PRKDC: variants seen among roughly 807,000 people sequenced by gnomAD.
PRKDC encodes protein kinase, DNA-activated, catalytic subunit, also known as DNA-dependent protein kinase catalytic subunit.
Under a neutral mutation model 486.9 loss-of-function variants are expected in PRKDC, and 82 were observed. That is an observed-to-expected ratio of 0.17 (90% CI 0.14 to 0.20). PRKDC has a LOEUF of 0.20. Ranked by LOEUF, PRKDC falls within the 10% of genes least tolerant of loss-of-function variation. The pLI is 1.00. For synonymous variants in PRKDC, 1,895 were observed against 1,837.0 expected (o/e 1.03, Z -0.81); for missense variants, 4,504 against 5,038.2 (o/e 0.89, Z 3.21).
At position 47,905,001 on chromosome 8, in the gene PRKDC, T is replaced by A; in HGVS notation, c.2935-25A>T. ...CCTGAAGAAACAATACCATTAAAGT[T>A]AATTCCCTTCATGTTAAAGAAATGT... On this transcript the variant is annotated intron_variant, in intron 25 of 85. Coordinates refer to ENST00000314191, the MANE Select transcript of PRKDC (RefSeq NM_006904.7). The A allele has an allele frequency of 2.7e-6, 4 of 1,504,550 alleles. No individual in the cohort carries two copies. The South Asian group carries it at 3.4e-5, about 13-fold the overall frequency. The allele number at this position is 1,504,550 out of a possible 1,614,324, so 93.2% of individuals were successfully genotyped here. A position where few individuals can be genotyped will look rare whatever the true frequency, so the allele number is the denominator to read the frequency against.
At chr8:47,938,734 G>A (rs1315224172) in intron 11 of PRKDC, among the ~76,000 whole-genome samples, 2 of 152,000 alleles carry the variant, frequency 1.3e-5, no homozygotes, top group African/African-American at 2.4e-5. Flanking sequence ...GCTAATTTTT[G>A]TATTTTTAGT....
chr8:47,933,603 T>A (rs1231201), intron 15 of PRKDC, among the ~76,000 whole-genome samples: 63,778 of 152,174 alleles, frequency 0.42, 16,659 homozygotes, highest in East Asian at 0.68. Context: ...TATGCACACA[T>A]ATATAAACGT....
Position 47,837,242 on chromosome 8 carries a change from G to A in PRKDC, c.7731C>T (p.Phe2577=), listed in dbSNP as rs754766347. The part of the protein sequence containing the change: ...SMSPDYPNPM[F]EHPLSECEFQ... The stretch of plus-strand genomic sequence containing the variant: ...ATTCGCATTCTGACAGAGGATGCTC[G>A]AACATGGGGTTTGGATAATCTGGGC... Residue 2577 remains phenylalanine (F), a synonymous_variant, in exon 57 of 86, where the codon TTC becomes TTT. Coordinates refer to ENST00000314191, the MANE Select transcript of PRKDC (RefSeq NM_006904.7). The A allele has an allele frequency of 1.7e-5, 27 of 1,613,722 alleles. No individual in the cohort carries two copies. The highest frequency in any genetic ancestry group is 2.1e-5 in the Non-Finnish European group (25 of 1,179,844).
At chr8:47,840,865 G>A (rs2154499898) in intron 54 of PRKDC, among the ~76,000 whole-genome samples, 1 of 152,316 alleles carries the variant, frequency 6.6e-6, no homozygotes, top group South Asian at 2.1e-4. Flanking sequence ...TATTTACATA[G>A]GAGGGGGACA....
At position 47,943,960 on chromosome 8, in the gene PRKDC, A is replaced by G; in HGVS notation, c.777+14T>C. Reference sequence around the variant, plus strand: ...AAGGCATTAGAATAATATTAATAGTAATATTAATCCTACCTGAGGACGAAT... The same window carrying G: ...AAGGCATTAGAATAATATTAATAGTGATATTAATCCTACCTGAGGACGAAT... On this transcript the variant is annotated intron_variant, in intron 8 of 85. Coordinates refer to ENST00000314191, the MANE Select transcript of PRKDC (RefSeq NM_006904.7). The G allele has an allele frequency of 6.4e-7, 1 of 1,556,482 alleles. No individual in the cohort carries two copies. Among genetic ancestry groups the G allele is most frequent in the African/African-American group, 1.4e-5 (1 of 73,164 alleles).
intron 4 of PRKDC, 97 bp from the exon 5 acceptor site, chr8:47,954,543 A>G: frequency 2.2e-6 from 1 of 453,624 alleles, no homozygotes; most frequent in Non-Finnish European, 3.9e-6. Context: ...AAATAACGGG[A>G]TTCCTCTATC....
rs1589820481 is a variant in PRKDC at position 47,957,102 on chromosome 8, G to C, written c.324+69C>G. The C allele has an allele frequency of 3.9e-6, 4 of 1,033,388 alleles. No individual in the cohort carries two copies. The East Asian group carries it at 1.1e-4, about 28-fold the overall frequency. 64.0% of individuals were successfully genotyped at this position (1,033,388 alleles called of 1,614,324 possible). A position where few individuals can be genotyped will look rare whatever the true frequency, so the allele number is the denominator to read the frequency against. On this transcript the variant is annotated intron_variant, in intron 3 of 85. Transcript: ENST00000314191. ...TTTTATCTTTAAAATAAAAATCCAA[G>C]TTCCTCACACCATAAGTTAAAACAG...
chr8:47,828,396 C>T, intron 61 of PRKDC, 49 bp from the exon 62 acceptor site: 1 of 1,442,722 alleles, frequency 6.9e-7, no homozygotes, highest in Non-Finnish European at 9.4e-7. Flanking sequence ...AGCAAAAATG[C>T]TATAAATCAC....
At chr8:47,935,369 G>A (rs754149948) in intron 13 of PRKDC, among the ~76,000 whole-genome samples, 5 of 151,824 alleles carry the variant, frequency 3.3e-5, no homozygotes, top group Non-Finnish European at 5.9e-5. Context: ...GCATGGTGGC[G>A]GGCGCCTGTA....
At chr8:47,889,548 T>G (rs2089412322) in intron 32 of PRKDC, among the ~76,000 whole-genome samples, 1 of 152,238 alleles carries the variant, frequency 6.6e-6, no homozygotes, top group South Asian at 2.1e-4. Context: ...CTCAGGACAC[T>G]GCTGCATCCC....
chr8:47,803,389 T>C lies in PRKDC; in HGVS notation c.9839A>G (p.Tyr3280Cys), dbSNP rs1189676481. ...GCTCCGGCAGTGGCTCAGGCGGCAG[T>C]AGCTCTGCACCCAGCTCACCAGCCA... ...DDWLVSWVQS[Y>C]CRLSHCRSRS... Residue 3280 changes from tyrosine to cysteine, a missense_variant, in exon 70 of 86, where the codon TAC becomes TGC. Around this residue, in one of 6 missense-constraint regions of PRKDC, gnomAD observed 1,592 missense variants for 1,724.6 expected, o/e 0.92. Coordinates refer to ENST00000314191, the MANE Select transcript of PRKDC (RefSeq NM_006904.7). 6.2e-7 allele frequency: 1 copy of C among 1,613,910 alleles called. No homozygotes were observed. The highest frequency in any genetic ancestry group is 8.5e-7 in the Non-Finnish European group (1 of 1,179,912).
intron 40 of PRKDC, among the ~76,000 whole-genome samples, chr8:47,871,883 G>A (rs1014096385): frequency 1.3e-5 from 2 of 152,152 alleles, no homozygotes; most frequent in Non-Finnish European, 2.9e-5. Flanking sequence ...GAGCCACCAC[G>A]CCTGGCCAGG....
chr8:47,893,070 T>C, intron 31 of PRKDC, 69 bp downstream of exon 31: 1 of 1,458,234 alleles, frequency 6.9e-7, no homozygotes, highest in Non-Finnish European at 9.1e-7. Context: ...GATTCTGACC[T>C]GGCAGAGCCA....
intron 21 of PRKDC, among the ~76,000 whole-genome samples, chr8:47,922,466 C>T (rs542257898): frequency 9.1e-6 from 1 of 109,934 alleles, no homozygotes; most frequent in African/African-American, 5.9e-5. Flanking sequence ...AGCGATATTT[C>T]GTCTCAAAAA....
At chr8:47,819,116 A>G (rs545020625) in intron 67 of PRKDC, among the ~76,000 whole-genome samples, 30 of 152,310 alleles carry the variant, frequency 2.0e-4, no homozygotes, top group African/African-American at 7.2e-4. Flanking sequence ...GGGCCCCACC[A>G]TCCTTGTGGG....
At chr8:47,945,955 C>T (rs1295979104) in intron 7 of PRKDC, among the ~76,000 whole-genome samples, 4 of 152,032 alleles carry the variant, frequency 2.6e-5, no homozygotes, top group Non-Finnish European at 5.9e-5. Context: ...AACTCCTGAC[C>T]TCATGATACA....
chr8:47,914,303 T>C (rs1255286273), intron 23 of PRKDC, among the ~76,000 whole-genome samples: 1 of 152,142 alleles, frequency 6.6e-6, no homozygotes, highest in African/African-American at 2.4e-5. Flanking sequence ...ATGTTTAATA[T>C]CCAAATTCAG....
In PRKDC at chr8:47,889,031, C is replaced by A; in HGVS notation, c.4263G>T (p.Glu1421Asp). ...GTACCCACCTCTGTGCTGTTATTTT[C>A]TCTCTCAGATGGGTCTCTAGGATAT... ...YKDILETHLR[E>D]KITAQSIEEL... is the part of the protein sequence containing the mutation. The change falls in exon 33 of 86, where the codon GAG becomes GAT. Residue 1421 changes from glutamate (E) to aspartate (D), a missense_variant. Physicochemically the swap from Glu to Asp is conservative, Grantham distance 45. This residue lies in a region of PRKDC where 1,969 missense variants were observed against 2,068.9 expected (regional missense o/e 0.95). Coordinates refer to ENST00000314191, the MANE Select transcript of PRKDC (RefSeq NM_006904.7). 1.2e-6 allele frequency: 2 copies of A among 1,613,796 alleles called. No individual in the cohort carries two copies. Among genetic ancestry groups the A allele is most frequent in the Non-Finnish European group, 1.7e-6 (2 of 1,179,724 alleles).
chr8:47,886,297 T>C, intron 35 of PRKDC, 150 bp from the exon 36 acceptor site: 1 of 577,696 alleles, frequency 1.7e-6, no homozygotes, highest in Non-Finnish European at 2.9e-6. Flanking sequence ...GCTGAAATTG[T>C]ATATATTTCA....
Sources: gnomAD v4.1 joint callset for allele counts (sites outside exome capture counted in the v4.1 genomes callset) on GRCh38, gnomAD v4.1.1 for gene constraint, gnomAD v4.1.1 regional missense constraint, MANE v1.5 for transcripts, NCBI Gene and HGNC (gene_info 2026-07-23, HGNC 2026-07-21) for gene names.